The following SHLD1 variants were observed in gnomAD, a reference collection of about 807,000 sequenced individuals.
The protein encoded by SHLD1 is RINN1-REV7-interacting novel NHEJ regulator 3.
A neutral mutation model predicts 5.5 loss-of-function variants in SHLD1; 3 were observed. The ratio of observed to expected loss-of-function variants is 0.54; its 90% confidence interval spans 0.25 to 1.40. The LOEUF (loss-of-function observed/expected upper bound fraction) is 1.40. Among genes scored for constraint, SHLD1 ranks in the 40% most tolerant of loss-of-function variants. SHLD1 has a pLI of 0.15. For missense variants in SHLD1, 210 were observed against 244.4 expected, an observed-to-expected ratio of 0.86 and a Z score of 0.94; for synonymous variants, 92 against 94.3, an observed-to-expected ratio of 0.98 and a Z score of 0.14.
chr20:5,756,079 G>T (rs1167944447), intron 1 of SHLD1, among the ~76,000 whole-genome samples: 1 of 151,950 alleles, frequency 6.6e-6, no homozygotes, highest in Non-Finnish European at 1.5e-5. Context: ...TAATGTTAAG[G>T]CTGGTCAGTT....
chr20:5,850,511 A>AT lies in SHLD1; in HGVS notation c.179-12496dup, dbSNP rs1156477129. 1.0e-2 allele frequency among the ~76,000 whole-genome samples: 1,325 copies of AT among 132,656 alleles called. 18 individuals are homozygous for AT. The highest frequency in any genetic ancestry group is 0.025 in the African/African-American group (878 of 35,142). 87.0% of individuals were successfully genotyped at this position (132,656 alleles called of 152,430 possible). On this transcript the variant is annotated intron_variant, in intron 2 of 2. Coordinates refer to ENST00000303142, the MANE Select transcript of SHLD1 (RefSeq NM_152504.4). ...CCAGTTCCAGCTTTTTTTAGTTTTA[A>AT]TTTTTTTTTTTTTTTTTGAGATGGA...
At chr20:5,859,368 C>A (rs183250909) in intron 2 of SHLD1, among the ~76,000 whole-genome samples, 4 of 152,282 alleles carry the variant, frequency 2.6e-5, no homozygotes, top group East Asian at 1.9e-4. Context: ...ACATCCTTGA[C>A]CCCACTCACT....
intron 1 of SHLD1, among the ~76,000 whole-genome samples, chr20:5,771,181 T>C (rs905543458): frequency 1.3e-5 from 2 of 152,190 alleles, no homozygotes; most frequent in African/African-American, 4.8e-5. Flanking sequence ...TTCCAGTCTT[T>C]TCATGCTTTA....
chr20:5,778,114 C>CTT (rs776358532), intron 2 of SHLD1, among the ~76,000 whole-genome samples: 23,977 of 111,876 alleles, frequency 0.21, 3,010 homozygotes, highest in Non-Finnish European at 0.27. Flanking sequence ...ATCCCTTTTT[C>CTT]TTTTTTTTTT....
chr20:5,815,257 A>T (rs1380543094), intron 2 of SHLD1, among the ~76,000 whole-genome samples: 5 of 152,148 alleles, frequency 3.3e-5, no homozygotes, highest in African/African-American at 1.2e-4. Flanking sequence ...AGAAGCTCTG[A>T]TTTAATTGGT....
chr20:5,793,609 T>C (rs76479598), intron 2 of SHLD1, among the ~76,000 whole-genome samples: 1 of 152,262 alleles, frequency 6.6e-6, no homozygotes, highest in Admixed American at 6.5e-5. Flanking sequence ...ATTTTCAACT[T>C]TGAAGTCTTT....
At chr20:5,768,052 G>A (rs536566963) in intron 1 of SHLD1, among the ~76,000 whole-genome samples, 1 of 146,608 alleles carries the variant, frequency 6.8e-6, no homozygotes, top group East Asian at 2.0e-4. Flanking sequence ...TCGGCTCACT[G>A]CGACCTCTGC....
At chr20:5,846,233 A>G (rs1236726647) in intron 2 of SHLD1, among the ~76,000 whole-genome samples, 1 of 152,218 alleles carries the variant, frequency 6.6e-6, no homozygotes, top group African/African-American at 2.4e-5. Flanking sequence ...GGAGGCCCAC[A>G]ATCTCCTCTT....
intron 2 of SHLD1, among the ~76,000 whole-genome samples, chr20:5,814,380 C>G (rs530322685): frequency 4.6e-5 from 7 of 152,226 alleles, no homozygotes; most frequent in Middle Eastern, 6.8e-3. Context: ...GTGAAATTGT[C>G]TTATAGGACC....
chr20:5,799,163 A>G (rs185397599), intron 2 of SHLD1, among the ~76,000 whole-genome samples: 5 of 151,884 alleles, frequency 3.3e-5, no homozygotes, highest in Admixed American at 2.6e-4. Flanking sequence ...TGATTGCACC[A>G]CTGCACTCTA....
chr20:5,786,248 T>A (rs140744256), intron 2 of SHLD1, among the ~76,000 whole-genome samples: 3 of 152,268 alleles, frequency 2.0e-5, no homozygotes, highest in Non-Finnish European at 4.4e-5. Context: ...TTACTCTAAT[T>A]TTCCCTCTGC....
At chr20:5,790,794 A>T (rs560645016) in intron 2 of SHLD1, among the ~76,000 whole-genome samples, 1 of 152,286 alleles carries the variant, frequency 6.6e-6, no homozygotes, top group South Asian at 2.1e-4. Flanking sequence ...CTCTAAATGT[A>T]ATAGACAAAA....
At chr20:5,825,303 G>T (rs561350328) in intron 2 of SHLD1, among the ~76,000 whole-genome samples, 1 of 152,166 alleles carries the variant, frequency 6.6e-6, no homozygotes, top group Non-Finnish European at 1.5e-5. Context: ...CAATACAGTC[G>T]GTAGCTGTTA....
At chr20:5,839,611 T>G (rs959994496) in intron 2 of SHLD1, among the ~76,000 whole-genome samples, 1 of 152,160 alleles carries the variant, frequency 6.6e-6, no homozygotes, top group African/African-American at 2.4e-5. Flanking sequence ...GAAAATACAC[T>G]GCAAGCTTTA....
At chr20:5,845,172 T>A (rs2087918204) in intron 2 of SHLD1, among the ~76,000 whole-genome samples, 1 of 152,190 alleles carries the variant, frequency 6.6e-6, no homozygotes, top group Admixed American at 6.5e-5. Context: ...ACCTTAATAC[T>A]CTAACAACTC....
At chr20:5,759,217 T>G (rs1430473651) in intron 1 of SHLD1, among the ~76,000 whole-genome samples, 1 of 151,872 alleles carries the variant, frequency 6.6e-6, no homozygotes, top group Non-Finnish European at 1.5e-5. Context: ...CCTCCCAAAG[T>G]GCTGGGATTA....
In SHLD1 at chr20:5,836,296, CCAAA is replaced by C. The variant is rs758570446; in HGVS notation, c.179-26723_179-26720del. On this transcript the variant is annotated intron_variant, in intron 2 of 2. Transcript: ENST00000303142. ...CAAAACTGTTAGCCTGCCTGATTAA[CCAAA>C]CAAAGGCAAATCAGTAGTGATTTTC... 4.5e-4 allele frequency among the ~76,000 whole-genome samples: 68 copies of C among 152,238 alleles called. 1 individual carries two copies. The highest frequency in any genetic ancestry group is 3.4e-3 in the Admixed American group (52 of 15,292).
chr20:5,815,369 G>C (rs1267652621), intron 2 of SHLD1, among the ~76,000 whole-genome samples: 1 of 152,174 alleles, frequency 6.6e-6, no homozygotes, highest in Non-Finnish European at 1.5e-5. Flanking sequence ...TTCTCAAAAT[G>C]TAATGTGACT....
intron 2 of SHLD1, among the ~76,000 whole-genome samples, chr20:5,829,208 T>C (rs2087700596): frequency 6.6e-6 from 1 of 152,104 alleles, no homozygotes; most frequent in Non-Finnish European, 1.5e-5. Context: ...GTTCAGGGAG[T>C]TCTTTTTAAA....
Sources: gnomAD v4.1 joint callset for allele counts (sites outside exome capture counted in the v4.1 genomes callset) on GRCh38, gnomAD v4.1.1 for gene constraint, MANE v1.5 for transcripts, NCBI Gene and HGNC (gene_info 2026-07-23, HGNC 2026-07-21) for gene names.